The following DMD variants were observed in gnomAD, a reference collection of about 807,000 sequenced individuals.
DMD encodes the protein mutant dystrophin.
DMD carries 63 observed loss-of-function variants against 330.1 expected under a neutral mutation model. The ratio of observed to expected loss-of-function variants is 0.19; its 90% CI spans 0.16 to 0.24. The LOEUF (loss-of-function observed/expected upper bound fraction) is 0.24. DMD is among the 10% of genes least tolerant of loss of function. The pLI, the probability that DMD is intolerant of heterozygous loss-of-function variation, is 1.00. For synonymous variants in DMD, 1,223 were observed against 959.8 expected (o/e 1.27, Z -5.07); for missense variants, 3,344 against 2,684.1 (o/e 1.25, Z -5.43).
intron 52 of DMD, among the ~76,000 whole-genome samples, chrX:31,683,965 C>T (rs766295047): frequency 2.7e-5 from 3 of 111,500 alleles, no homozygotes; most frequent in Non-Finnish European, 5.7e-5. Context: ...TGCAATTATC[C>T]TCATTTAACA....
intron 60 of DMD, among the ~76,000 whole-genome samples, chrX:31,367,288 C>T (rs1054332776): frequency 3.6e-5 from 4 of 111,264 alleles, no homozygotes; most frequent in African/African-American, 1.3e-4. Context: ...AAAAATAACG[C>T]CTTTTTTTTC....
At chrX:32,661,866 C>T (rs1463193408) in intron 9 of DMD, among the ~76,000 whole-genome samples, 1 of 111,348 alleles carries the variant, frequency 9.0e-6, no homozygotes, top group African/African-American at 3.3e-5. Flanking sequence ...TAAATCAGTA[C>T]ATAAAATATA....
chrX:33,026,099 G>A (rs1421959419), intron 1 of DMD, among the ~76,000 whole-genome samples: 1 of 109,218 alleles, frequency 9.2e-6, no homozygotes, highest in Non-Finnish European at 1.9e-5. Flanking sequence ...ACTTTGGGAG[G>A]CCGAGGTGGG....
chrX:32,816,572 G>A lies in DMD; in HGVS notation c.426C>T (p.Ser142=). 8.3e-7 allele frequency: 1 copy of A among 1,211,287 alleles called. No homozygotes were observed. The highest frequency in any genetic ancestry group is 1.1e-6 in the Non-Finnish European group (1 of 895,124). Residue 142 remains serine, a synonymous_variant, in exon 6 of 79, where the codon AGC becomes AGT. Coordinates refer to ENST00000357033, the MANE Select transcript of DMD (RefSeq NM_004006.3). ...QQTNSEKILL[S]WVRQSTRNYP... ...AATTACGAGTTGATTGTCGGACCCA[G>A]CTCAGGAGAATCTTTTCACTGTTGG... is the stretch of plus-strand genomic sequence containing the variant.
intron 43 of DMD, among the ~76,000 whole-genome samples, chrX:32,236,309 C>A (rs758076115): frequency 1.8e-5 from 2 of 112,221 alleles, no homozygotes; most frequent in Middle Eastern, 4.7e-3. Context: ...TAGGACATGC[C>A]ATCCTCAGTT....
intron 44 of DMD, among the ~76,000 whole-genome samples, chrX:32,125,365 C>T (rs1368214823): frequency 9.0e-6 from 1 of 111,553 alleles, no homozygotes; most frequent in Non-Finnish European, 1.9e-5. Context: ...AAAATCCAGA[C>T]TTTTGGCTTG....
intron 74 of DMD, among the ~76,000 whole-genome samples, chrX:31,168,572 C>T (rs1011255554): frequency 1.8e-5 from 2 of 111,555 alleles, no homozygotes; most frequent in East Asian, 5.6e-4. Flanking sequence ...AGACACACTG[C>T]GTTGCCTACG....
chrX:31,509,516 G>A (rs2071280156), intron 55 of DMD, among the ~76,000 whole-genome samples: 1 of 111,664 alleles, frequency 9.0e-6, no homozygotes, highest in Admixed American at 9.5e-5. Context: ...AGTAGCATCA[G>A]TTTTCTATGT....
At chrX:32,677,318 T>C (rs138787506) in intron 9 of DMD, among the ~76,000 whole-genome samples, 2,310 of 111,468 alleles carry the variant, frequency 0.021, 61 homozygotes, top group African/African-American at 0.069. Context: ...AGTGGCTTCA[T>C]GGTATTATAT....
At chrX:33,128,201 A>G (rs1351676039) in intron 1 of DMD, 1 of 1,199,545 alleles carries the variant, frequency 8.3e-7, no homozygotes, top group Non-Finnish European at 1.1e-6. Flanking sequence ...ACACCTTCAT[A>G]GGAAAGCTTT....
At chrX:32,652,564 C>T (rs896373878) in intron 9 of DMD, among the ~76,000 whole-genome samples, 1 of 110,403 alleles carries the variant, frequency 9.1e-6, no homozygotes, top group African/African-American at 3.3e-5. Context: ...GGTTCCAAGT[C>T]TTTGCTATTG....
intron 9 of DMD, among the ~76,000 whole-genome samples, chrX:32,680,610 G>A (rs1431615010): frequency 8.9e-6 from 1 of 111,933 alleles, no homozygotes; most frequent in South Asian, 3.7e-4. Context: ...AATTATGAAT[G>A]CCCAATATTT....
rs577610572 is a variant in DMD at position 32,920,136 on chromosome X, C to G, written c.94-70316G>C. Among the ~76,000 whole-genome samples the G allele has an allele frequency of 4.5e-5, 5 of 111,272 alleles. 1 individual carries two copies. In the Admixed American group the frequency reaches 4.8e-4, roughly 11 times the overall value. Reference sequence around the variant, plus strand: ...AATCACTATTATGTAATAGTCAATACGCCCAGGTGTCTCCTGGCATATATG... The same window carrying G: ...AATCACTATTATGTAATAGTCAATAGGCCCAGGTGTCTCCTGGCATATATG... On this transcript the variant is annotated intron_variant, in intron 2 of 78. Transcript: ENST00000357033.
chrX:32,297,423 G>A lies in DMD; in HGVS notation c.6118-9722C>T, dbSNP rs749965182. 1.5e-3 allele frequency among the ~76,000 whole-genome samples: 159 copies of A among 109,419 alleles called. 1 individual carries two copies. Among genetic ancestry groups the A allele is most frequent in the African/African-American group, 5.0e-3 (151 of 30,049 alleles). ...CGAGTAGCTGGGATTACAGGCGCCC[G>A]CCACCATGCCCGGCTAATTTTTTGT... is the stretch of plus-strand genomic sequence containing the variant. On this transcript the variant is annotated intron_variant, in intron 42 of 78. Coordinates refer to ENST00000357033, the MANE Select transcript of DMD (RefSeq NM_004006.3).
chrX:32,250,506 T>C (rs754282835), intron 43 of DMD, among the ~76,000 whole-genome samples: 2 of 112,069 alleles, frequency 1.8e-5, no homozygotes, highest in Admixed American at 9.5e-5. Context: ...TTCCTATCCA[T>C]GCGGGTCAAA....
chrX:31,242,749 G>C lies in DMD; in HGVS notation c.9286+18206C>G, dbSNP rs750014764. Among the ~76,000 whole-genome samples, 6 of 105,504 alleles carry C rather than the reference G, an allele frequency of 5.7e-5. No individual in the cohort carries two copies. In the Admixed American group the frequency reaches 6.3e-4, roughly 11 times the overall value. 91.6% of individuals were successfully genotyped at this position (105,504 alleles called of 115,157 possible). A position where few individuals can be genotyped will look rare whatever the true frequency, so the allele number is the denominator to read the frequency against. ...GTGTGTGTGTGTCATATATAAATTT[G>C]AATGTATAAGCCTTCAGTCATTCCA... On this transcript the variant is annotated intron_variant, in intron 63 of 78. Transcript: ENST00000357033.
At chrX:32,861,723 C>T (rs921575903) in intron 2 of DMD, among the ~76,000 whole-genome samples, 2 of 111,711 alleles carry the variant, frequency 1.8e-5, no homozygotes, top group Non-Finnish European at 3.8e-5. Context: ...CTTACCAAGG[C>T]TCTCATTGGC....
At chrX:32,506,421 A>AC (rs11436891) in intron 18 of DMD, among the ~76,000 whole-genome samples, 1 of 38,266 alleles carries the variant, frequency 2.6e-5, no homozygotes, top group East Asian at 1.1e-3. Flanking sequence ...ACAAAATGCT[A>AC]AAAAAAAAAA....
chrX:33,010,338 A>G (rs2093675635), intron 2 of DMD, among the ~76,000 whole-genome samples: 1 of 104,493 alleles, frequency 9.6e-6, no homozygotes, highest in African/African-American at 3.6e-5. Context: ...GTATATATGT[A>G]CATATATATG....
Sources: allele counts gnomAD v4.1 joint callset (sites outside exome capture counted in the v4.1 genomes callset), GRCh38; gene constraint gnomAD v4.1.1; transcripts MANE v1.5; gene names NCBI Gene and HGNC (gene_info 2026-07-23, HGNC 2026-07-21).